The following ROR1 variants were observed in gnomAD, a reference collection of about 807,000 sequenced individuals.
ROR1 encodes inactive tyrosine-protein kinase transmembrane receptor ROR1.
Under a neutral mutation model 78.8 loss-of-function variants are expected in ROR1, and 19 were observed. That is an observed-to-expected ratio of 0.24 (90% CI 0.17 to 0.35). The LOEUF (loss-of-function observed/expected upper bound fraction) is 0.35. Ranked by LOEUF, ROR1 falls within the 10% of genes least tolerant of loss-of-function variation. The pLI, the probability that ROR1 is intolerant of heterozygous loss-of-function variation, is 1.00. For missense variants in ROR1, 917 were observed against 1,177.8 expected, an observed-to-expected ratio of 0.78 and a Z score of 3.24; for synonymous variants, 386 against 433.6, an observed-to-expected ratio of 0.89 and a Z score of 1.36.
At chr1:64,087,620 T>G (rs1226040983) in intron 4 of ROR1, among the ~76,000 whole-genome samples, 1 of 152,204 alleles carries the variant, frequency 6.6e-6, no homozygotes, top group Non-Finnish European at 1.5e-5. Flanking sequence ...TATTGTCTTG[T>G]GATAAGCAGT....
At chr1:64,022,209 A>G (rs1317790421) in intron 2 of ROR1, among the ~76,000 whole-genome samples, 3 of 152,208 alleles carry the variant, frequency 2.0e-5, no homozygotes, top group Non-Finnish European at 2.9e-5. Context: ...TAGAGGCAGA[A>G]GTTGAATTGG....
chr1:63,774,297 TC>T lies in ROR1; in HGVS notation c.-117del. 3 of 494,942 alleles carry T rather than the reference TC, an allele frequency of 6.1e-6. No homozygotes were observed. Among genetic ancestry groups the T allele is most frequent in the Admixed American group, 4.2e-5 (1 of 23,780 alleles). The allele number at this position is 494,942 out of a possible 1,614,324, so 30.7% of individuals were successfully genotyped here. A position where few individuals can be genotyped will look rare whatever the true frequency, so the allele number is the denominator to read the frequency against. ...AGAGGGACAAAGAGCTTTGCAGACG[TC>T]CCCGGCGTCCTGCGAGCGCCAGCGG... On this transcript the variant is annotated 5_prime_UTR_variant, in exon 1 of 9. Transcript: ENST00000371079. The surrounding 1 kb of genome is among the most constrained non-coding windows in gnomAD (Gnocchi z 5.7).
intron 1 of ROR1, among the ~76,000 whole-genome samples, chr1:63,896,524 G>T (rs1031217895): frequency 2.0e-5 from 3 of 152,176 alleles, no homozygotes; most frequent in Admixed American, 1.3e-4. Context: ...AAACTGACTT[G>T]TTGGACTTAA....
intron 4 of ROR1, among the ~76,000 whole-genome samples, chr1:64,104,728 T>C (rs773920285): frequency 6.6e-6 from 1 of 152,160 alleles, no homozygotes; most frequent in Admixed American, 6.5e-5. Flanking sequence ...TTTCTGTTCT[T>C]GTGATAGTTT....
rs1329707104 is a variant in ROR1, at chr1:63,919,487, GC to G, written c.92-89817del. On this transcript the variant is annotated intron_variant, in intron 1 of 8. Coordinates refer to ENST00000371079, the MANE Select transcript of ROR1 (RefSeq NM_005012.4). ...CCTATGAGCAGTGTTCATTGAATTG[GC>G]TTTTTTTTTTTTTTTTTGCACTAGA... Among the ~76,000 whole-genome samples the G allele has an allele frequency of 3.5e-4, 38 of 109,352 alleles. No individual in the cohort carries two copies. The South Asian group carries it at 1.0e-2, about 29-fold the overall frequency. The allele number at this position is 109,352 out of a possible 152,430, so 71.7% of individuals were successfully genotyped here.
At chr1:64,071,068 G>C (rs964537899) in intron 4 of ROR1, among the ~76,000 whole-genome samples, 1 of 152,214 alleles carries the variant, frequency 6.6e-6, no homozygotes, top group Non-Finnish European at 1.5e-5. Flanking sequence ...GTTTTGTCAC[G>C]ATCATGGAAC....
At chr1:63,854,400 C>T (rs1645135517) in intron 1 of ROR1, among the ~76,000 whole-genome samples, 1 of 152,192 alleles carries the variant, frequency 6.6e-6, no homozygotes, top group Non-Finnish European at 1.5e-5. Context: ...CTGCTTCCTT[C>T]CATGGTAGGT....
At chr1:64,067,171 G>A (rs1294408152) in intron 4 of ROR1, among the ~76,000 whole-genome samples, 18 of 151,800 alleles carry the variant, frequency 1.2e-4, no homozygotes, top group South Asian at 2.1e-4. Context: ...GCAATGTGGC[G>A]AAACCTAGTC....
chr1:64,037,627 G>A (rs1010579696), intron 2 of ROR1, among the ~76,000 whole-genome samples: 2 of 152,150 alleles, frequency 1.3e-5, no homozygotes, highest in African/African-American at 2.4e-5. Flanking sequence ...TCTGTTTTTA[G>A]TTGTCACCAT....
intron 1 of ROR1, among the ~76,000 whole-genome samples, chr1:63,839,310 G>A (rs932536929): frequency 7.2e-5 from 11 of 152,074 alleles, no homozygotes; most frequent in Admixed American, 7.2e-4. Flanking sequence ...GAGCTGTTCT[G>A]TAATGTTTTG....
intron 2 of ROR1, among the ~76,000 whole-genome samples, chr1:64,024,101 A>G (rs1361404606): frequency 2.0e-5 from 3 of 152,174 alleles, no homozygotes; most frequent in Non-Finnish European, 4.4e-5. Flanking sequence ...TTCCCCGGCC[A>G]TGTGGAAATG....
intron 1 of ROR1, among the ~76,000 whole-genome samples, chr1:63,988,628 A>T (rs909544093): frequency 2.6e-5 from 4 of 152,186 alleles, no homozygotes; most frequent in Non-Finnish European, 1.5e-5. Flanking sequence ...ATTAAACACT[A>T]ACTCTCGATT....
chr1:64,051,828 G>T (rs1233562565), intron 4 of ROR1, among the ~76,000 whole-genome samples: 1 of 152,140 alleles, frequency 6.6e-6, no homozygotes, highest in African/African-American at 2.4e-5. Context: ...TGCCACAAGA[G>T]CATCAAAATG....
chr1:64,149,349 G>C (rs913785944), intron 7 of ROR1, among the ~76,000 whole-genome samples: 2 of 152,108 alleles, frequency 1.3e-5, no homozygotes, highest in Admixed American at 6.5e-5. Context: ...TTAAACAATA[G>C]AGTCCTGATT....
intron 1 of ROR1, among the ~76,000 whole-genome samples, chr1:63,788,268 A>G (rs1010346319): frequency 1.1e-4 from 16 of 152,228 alleles, no homozygotes; most frequent in Non-Finnish European, 2.2e-4. Context: ...TATCCATTAA[A>G]AGCAAATTCA....
At chr1:63,777,528 AT>A (rs1644624812) in intron 1 of ROR1, among the ~76,000 whole-genome samples, 1 of 152,198 alleles carries the variant, frequency 6.6e-6, no homozygotes, top group Non-Finnish European at 1.5e-5. Flanking sequence ...TCCAATATAG[AT>A]TCAGTATACA....
intron 1 of ROR1, among the ~76,000 whole-genome samples, chr1:63,986,619 G>C (rs538955316): frequency 6.6e-6 from 1 of 152,194 alleles, no homozygotes; most frequent in Non-Finnish European, 1.5e-5. Flanking sequence ...CAGGCTGGGC[G>C]TGGTGGCTCA....
At chr1:64,119,018 G>A (rs571047336) in intron 4 of ROR1, among the ~76,000 whole-genome samples, 1 of 152,304 alleles carries the variant, frequency 6.6e-6, no homozygotes, top group Non-Finnish European at 1.5e-5. Context: ...TCTCTGGCTG[G>A]CGTAACCCAA....
chr1:63,914,798 A>G (rs558953009), intron 1 of ROR1, among the ~76,000 whole-genome samples: 1 of 151,904 alleles, frequency 6.6e-6, no homozygotes, highest in East Asian at 1.9e-4. Flanking sequence ...CTCCACCCCC[A>G]TTTCTGCTTC....
Sources: gnomAD v4.1 joint callset for allele counts (sites outside exome capture counted in the v4.1 genomes callset) on GRCh38, gnomAD v4.1.1 for gene constraint, Gnocchi (gnomAD v3.1) non-coding constraint, MANE v1.5 for transcripts, NCBI Gene and HGNC (gene_info 2026-07-23, HGNC 2026-07-21) for gene names.